The following ARHGEF3 variants were observed in gnomAD, a reference collection of about 807,000 sequenced individuals.
ARHGEF3 encodes the protein 59.8 kDA protein.
ARHGEF3 carries 28 observed loss-of-function variants against 63.2 expected under a neutral mutation model. That is an observed-to-expected ratio of 0.44 (90% CI 0.33 to 0.61). The LOEUF (loss-of-function observed/expected upper bound fraction) is 0.61, where lower values mean the gene tolerates loss of function less well. Ranked by LOEUF, ARHGEF3 falls within the 20% of genes least tolerant of loss-of-function variation. The pLI, the probability that ARHGEF3 is intolerant of heterozygous loss-of-function variation, is 0.03. For synonymous variants in ARHGEF3, 266 were observed against 254.2 expected (o/e 1.05, Z -0.44); for missense variants, 533 against 659.3 (o/e 0.81, Z 2.10).
chr3:56,853,858 CCT>C (rs1292569032), intron 4 of ARHGEF3, among the ~76,000 whole-genome samples: 2 of 152,052 alleles, frequency 1.3e-5, no homozygotes, highest in Non-Finnish European at 2.9e-5. Context: ...GGAGGGGTCA[CCT>C]CTGTTTGAGG....
intron 4 of ARHGEF3, among the ~76,000 whole-genome samples, chr3:56,879,110 A>G (rs888094943): frequency 3.9e-5 from 6 of 152,206 alleles, no homozygotes; most frequent in African/African-American, 1.4e-4. Context: ...CTGATTCTAC[A>G]TTATCATGAG....
intron 1 of ARHGEF3, among the ~76,000 whole-genome samples, chr3:57,059,201 T>C (rs935455968): frequency 6.6e-5 from 10 of 152,150 alleles, no homozygotes; most frequent in Admixed American, 5.2e-4. Context: ...TTTTTTACTA[T>C]AAAATATATT....
intron 2 of ARHGEF3, among the ~76,000 whole-genome samples, chr3:56,987,775 T>C (rs939710789): frequency 6.6e-6 from 1 of 152,166 alleles, no homozygotes; most frequent in African/African-American, 2.4e-5. Flanking sequence ...CTCAGGAACA[T>C]GGACACCTCA....
chr3:56,936,147 T>C (rs970768226), intron 3 of ARHGEF3, among the ~76,000 whole-genome samples: 11 of 152,142 alleles, frequency 7.2e-5, no homozygotes, highest in Non-Finnish European at 1.3e-4. Flanking sequence ...CCTGAGACTA[T>C]GCCATAAGCT....
rs1385157467 is a variant in ARHGEF3, at chr3:57,042,679, TATATATATATATATATATATA to T, written c.-27-7524_-27-7504del. 6.6e-3 allele frequency among the ~76,000 whole-genome samples: 309 copies of T among 46,862 alleles called. 12 individuals are homozygous for T. Among genetic ancestry groups the T allele is most frequent in the African/African-American group, 0.013 (106 of 7,906 alleles). The allele number at this position is 46,862 out of a possible 152,430, so 30.7% of individuals were successfully genotyped here. The stretch of plus-strand genomic sequence containing the variant: ...ATATATATATATATATATATATATA[TATATATATATATATATATATA>T]TTTTTTTTTTTTTTTAGACGGAGTC... On this transcript the variant is annotated intron_variant, in intron 1 of 12. Transcript: ENST00000338458.
intron 1 of ARHGEF3, among the ~76,000 whole-genome samples, chr3:57,037,659 G>A (rs914932371): frequency 6.6e-5 from 10 of 152,226 alleles, no homozygotes; most frequent in Admixed American, 5.9e-4. Context: ...CGGATCACGA[G>A]GTCAGGAGAT....
At chr3:56,925,380 C>T (rs1578859639) in intron 3 of ARHGEF3, among the ~76,000 whole-genome samples, 1 of 152,336 alleles carries the variant, frequency 6.6e-6, no homozygotes, top group Non-Finnish European at 1.5e-5. Context: ...TTCTGCTTAA[C>T]TCAGCTGTGT....
intron 2 of ARHGEF3, among the ~76,000 whole-genome samples, chr3:56,764,856 G>A (rs1250946590): frequency 3.3e-5 from 5 of 150,990 alleles, no homozygotes; most frequent in East Asian, 1.9e-4. Context: ...TCCCGGGTTC[G>A]AGCAATTCTC....
At chr3:56,959,631 C>T (rs1227060747) in intron 2 of ARHGEF3, among the ~76,000 whole-genome samples, 1 of 152,190 alleles carries the variant, frequency 6.6e-6, no homozygotes, top group East Asian at 1.9e-4. Flanking sequence ...TGCTGAAAAG[C>T]ATCTCTGAAA....
chr3:56,761,089 T>G (rs972700667), intron 2 of ARHGEF3, among the ~76,000 whole-genome samples: 6 of 152,050 alleles, frequency 3.9e-5, no homozygotes, highest in Non-Finnish European at 8.8e-5. Flanking sequence ...CTGGGCAATG[T>G]AGCAAGACCC....
At chr3:56,922,543 A>G (rs1185957886) in intron 3 of ARHGEF3, among the ~76,000 whole-genome samples, 1 of 152,210 alleles carries the variant, frequency 6.6e-6, no homozygotes, top group African/African-American at 2.4e-5. Flanking sequence ...GATTTTTAAA[A>G]GTAATCTGCC....
intron 3 of ARHGEF3, chr3:56,916,581 G>A (rs1311428585): frequency 2.0e-6 from 2 of 1,017,898 alleles, no homozygotes; most frequent in East Asian, 6.7e-5. Context: ...GCACTCTTTG[G>A]GCATTCAAAG....
At position 56,783,544 on chromosome 3, in the gene ARHGEF3, C is replaced by A. The variant is rs914398660; in HGVS notation, c.97-9728G>T. 3.9e-5 allele frequency among the ~76,000 whole-genome samples: 6 copies of A among 152,248 alleles called. 2 individuals carry two copies. Among genetic ancestry groups the A allele is most frequent in the Admixed American group, 6.5e-5 (1 of 15,280 alleles). On this transcript the variant is annotated intron_variant, in intron 1 of 9. Transcript: ENST00000296315. ...CCCCACATTGGAAAAGTAACCTCTC[C>A]TACTTGCCTGCCATGGGGAAATTCA...
chr3:57,019,325 A>G (rs9843485), intron 2 of ARHGEF3, among the ~76,000 whole-genome samples: 48,247 of 152,040 alleles, frequency 0.32, 7,832 homozygotes, highest in African/African-American at 0.36. Flanking sequence ...ACAATTCTTC[A>G]GGATCAGGTT....
In ARHGEF3 at chr3:56,951,171, C is replaced by T. The variant is rs184716144; in HGVS notation, c.129+7652G>A. On this transcript the variant is annotated intron_variant, in intron 3 of 12. Coordinates refer to the ARHGEF3 transcript ENST00000338458. Reference sequence around the variant, plus strand: ...GGATGGATAGCATTAGGAGATATACCTATGTTAAATGACAAGTTAATGGGT... The same window carrying T: ...GGATGGATAGCATTAGGAGATATACTTATGTTAAATGACAAGTTAATGGGT... 4.1e-4 allele frequency among the ~76,000 whole-genome samples: 62 copies of T among 151,606 alleles called. No homozygotes were observed. In the East Asian group the frequency reaches 9.7e-3, roughly 24 times the overall value.
upstream of ARHGEF3, among the ~76,000 whole-genome samples, chr3:56,804,120 A>G (rs1452856029): frequency 1.3e-5 from 2 of 152,094 alleles, no homozygotes; most frequent in African/African-American, 4.8e-5. Context: ...CCTGAGCTCA[A>G]GCAATCCACC....
At chr3:56,786,901 G>C (rs200640320) in intron 1 of ARHGEF3, among the ~76,000 whole-genome samples, 1 of 126,490 alleles carries the variant, frequency 7.9e-6, no homozygotes, top group Non-Finnish European at 1.9e-5. Flanking sequence ...GTTGGGTTTT[G>C]TTAAAAAAAA....
chr3:56,968,213 T>TAA (rs1700716839), intron 2 of ARHGEF3, among the ~76,000 whole-genome samples: 1 of 23,868 alleles, frequency 4.2e-5, no homozygotes, highest in Non-Finnish European at 9.1e-5. Flanking sequence ...TAAAAATATA[T>TAA]ATTATATATA....
At chr3:56,819,562 A>G (rs2038395748) in intron 4 of ARHGEF3, among the ~76,000 whole-genome samples, 1 of 149,610 alleles carries the variant, frequency 6.7e-6, no homozygotes, top group Non-Finnish European at 1.5e-5. Context: ...CCCAAGCTGG[A>G]GTGCAGTGGT....
Sources: allele counts gnomAD v4.1 joint callset (sites outside exome capture counted in the v4.1 genomes callset), GRCh38; gene constraint gnomAD v4.1.1; transcripts MANE v1.5; gene names NCBI Gene and HGNC (gene_info 2026-07-23, HGNC 2026-07-21).